HIVEP1: variants seen among roughly 807,000 people sequenced by gnomAD.
The protein encoded by HIVEP1 is HIVEP zinc finger 1, also known as zinc finger protein 40.
A neutral mutation model predicts 180.0 loss-of-function variants in HIVEP1; 36 were observed. That is an observed-to-expected ratio of 0.20 (90% CI 0.15 to 0.26). HIVEP1 has a LOEUF of 0.26. Among genes scored for constraint, HIVEP1 ranks in the 10% least tolerant of loss-of-function variants. HIVEP1 has a pLI of 1.00. For missense variants in HIVEP1, 3,143 were observed against 3,268.7 expected, an observed-to-expected ratio of 0.96 and a Z score of 0.94; for synonymous variants, 1,239 against 1,239.0, an observed-to-expected ratio of 1.00 and a Z score of 0.00.
chr6:12,107,751 A>G (rs1774534627), intron 3 of HIVEP1, among the ~76,000 whole-genome samples: 1 of 152,188 alleles, frequency 6.6e-6, no homozygotes, highest in South Asian at 2.1e-4. Flanking sequence ...AAGCTTCCAC[A>G]GCGTAGAAGG....
intron 6 of HIVEP1, among the ~76,000 whole-genome samples, chr6:12,131,737 T>TA (rs1248641184): frequency 1.2e-5 from 1 of 84,228 alleles, no homozygotes; most frequent in African/African-American, 4.6e-5. Flanking sequence ...GATCTCTCTT[T>TA]AACAAAGCAA....
chr6:12,056,128 A>T (rs1247279322), intron 2 of HIVEP1, among the ~76,000 whole-genome samples: 1 of 152,136 alleles, frequency 6.6e-6, no homozygotes, highest in Non-Finnish European at 1.5e-5. Flanking sequence ...TTAAAAAAAA[A>T]GATTAATGAA....
At chr6:12,187,663 G>A in the HIVEP1 span, among the ~76,000 whole-genome samples, 1 of 150,690 alleles carries the variant, frequency 6.6e-6, no homozygotes, top group African/African-American at 2.4e-5. Context: ...CATGATCCTG[G>A]CTCACTGCAA....
At chr6:12,062,703 C>T (rs1049635341) in intron 2 of HIVEP1, among the ~76,000 whole-genome samples, 3 of 152,094 alleles carry the variant, frequency 2.0e-5, no homozygotes, top group African/African-American at 7.2e-5. Context: ...TTTTCTCACC[C>T]ATTACAGATG....
chr6:12,044,472 A>G (rs1769985555), intron 2 of HIVEP1, among the ~76,000 whole-genome samples: 1 of 152,040 alleles, frequency 6.6e-6, no homozygotes, highest in South Asian at 2.1e-4. Context: ...CGCCCCTCAA[A>G]GCAGTCAAAG....
chr6:12,149,593 A>G (rs1759577637), intron 7 of HIVEP1, among the ~76,000 whole-genome samples: 1 of 152,228 alleles, frequency 6.6e-6, no homozygotes, highest in African/African-American at 2.4e-5. Flanking sequence ...CGTTCTGGAA[A>G]AAGCCCAGGT....
At chr6:12,072,271 AC>A (rs1772024051) in intron 2 of HIVEP1, among the ~76,000 whole-genome samples, 1 of 152,116 alleles carries the variant, frequency 6.6e-6, no homozygotes, top group East Asian at 1.9e-4. Context: ...AATTGTCTCA[AC>A]TTTTTTCTAA....
At chr6:12,055,994 A>G (rs2113735020) in intron 2 of HIVEP1, among the ~76,000 whole-genome samples, 1 of 152,314 alleles carries the variant, frequency 6.6e-6, no homozygotes, top group East Asian at 1.9e-4. Flanking sequence ...TTTATTTTAT[A>G]TGCGCTTGCT....
chr6:12,027,259 T>C (rs1274037216), intron 2 of HIVEP1, among the ~76,000 whole-genome samples: 1 of 152,238 alleles, frequency 6.6e-6, no homozygotes, highest in African/African-American at 2.4e-5. Flanking sequence ...GCTGTAGGAA[T>C]GAATTATTAT....
chr6:12,149,996 G>A (rs3777764), intron 7 of HIVEP1, among the ~76,000 whole-genome samples: 27,180 of 152,130 alleles, frequency 0.18, 2,931 homozygotes, highest in East Asian at 0.46. Context: ...GTTGGGAAAC[G>A]TTTGCGTTTA....
Position 12,124,901 on chromosome 6 carries a change from G to A in HIVEP1, c.5106G>A (p.Lys1702=). The A allele has an allele frequency of 6.2e-7, 1 of 1,613,954 alleles. No homozygotes were observed. The highest frequency in any genetic ancestry group is 1.1e-5 in the South Asian group (1 of 91,032). ...GHQNALPNPE[K]EFLCENVFSE... is the part of the protein sequence containing the mutation. ...AGAATGCTTTGCCAAACCCAGAGAA[G>A]GAATTTCTATGTGAAAATGTTTTTT... Residue 1702 remains lysine (K), a synonymous_variant, in exon 4 of 9, where the codon AAG becomes AAA. Coordinates refer to ENST00000379388, the MANE Select transcript of HIVEP1 (RefSeq NM_002114.4).
In HIVEP1 at chr6:12,124,086, C is replaced by T. The variant is rs748956899; in HGVS notation, c.4291C>T (p.Arg1431Trp). The T allele has an allele frequency of 1.2e-4, 188 of 1,613,878 alleles. No homozygotes were observed. The highest frequency in any genetic ancestry group is 1.5e-4 in the Non-Finnish European group (181 of 1,179,906). Residue 1431 changes from arginine to tryptophan, a missense_variant, in exon 4 of 9, where the codon CGG becomes TGG. Arg to Trp is a moderately radical substitution (Grantham distance 101). Transcript: ENST00000379388. ...AGAAAGAAGGAGAGGCCCACTGGTA[C>T]GGCAAATATCTTTAAACATAGCCCC... ...LLERRRGPLV[R>W]QISLNIAPDS... is the part of the protein sequence containing the mutation.
At chr6:12,110,227 A>G (rs9470951) in intron 3 of HIVEP1, among the ~76,000 whole-genome samples, 2,336 of 152,366 alleles carry the variant, frequency 0.015, 24 homozygotes, top group Middle Eastern at 0.058. Flanking sequence ...TCAGAATAGT[A>G]GATGAGCGTT....
At chr6:12,089,635 G>A (rs1773332718) in intron 3 of HIVEP1, among the ~76,000 whole-genome samples, 1 of 151,802 alleles carries the variant, frequency 6.6e-6, no homozygotes, top group African/African-American at 2.4e-5. Flanking sequence ...AAAACCTAAG[G>A]CAACTAAAAC....
At chr6:12,196,647 C>T in the HIVEP1 span, among the ~76,000 whole-genome samples, 1 of 152,204 alleles carries the variant, frequency 6.6e-6, no homozygotes, top group Non-Finnish European at 1.5e-5. Context: ...TTCCCATCAT[C>T]ATTTGCGACC....
At chr6:12,112,850 T>A (rs1218844824) in intron 3 of HIVEP1, among the ~76,000 whole-genome samples, 1 of 152,090 alleles carries the variant, frequency 6.6e-6, no homozygotes, top group Non-Finnish European at 1.5e-5. Flanking sequence ...TTTATTGGTG[T>A]GGGATTTTGG....
At chr6:12,104,231 T>A (rs1774271452) in intron 3 of HIVEP1, among the ~76,000 whole-genome samples, 1 of 152,166 alleles carries the variant, frequency 6.6e-6, no homozygotes, top group African/African-American at 2.4e-5. Flanking sequence ...TAACAATTTT[T>A]AGACTTTATC....
intron 7 of HIVEP1, among the ~76,000 whole-genome samples, chr6:12,144,754 A>C (rs1303105988): frequency 1.3e-5 from 2 of 152,248 alleles, no homozygotes; most frequent in Non-Finnish European, 2.9e-5. Context: ...TATGCAGCCA[A>C]CAGACACATG....
At chr6:12,098,033 T>C (rs1227644026) in intron 3 of HIVEP1, among the ~76,000 whole-genome samples, 1 of 152,200 alleles carries the variant, frequency 6.6e-6, no homozygotes, top group African/African-American at 2.4e-5. Flanking sequence ...TGCATACTTA[T>C]AGCATATTTC....
Sources: allele counts gnomAD v4.1 joint callset (sites outside exome capture counted in the v4.1 genomes callset), GRCh38; gene constraint gnomAD v4.1.1; transcripts MANE v1.5; gene names NCBI Gene and HGNC (gene_info 2026-07-23, HGNC 2026-07-21).